Variants in PNPLA7 observed in about 807,000 individuals in gnomAD.
PNPLA7 encodes patatin like domain 7, lysophospholipase.
PNPLA7 carries 153 observed loss-of-function variants against 161.7 expected under a neutral mutation model. The ratio of observed to expected loss-of-function variants is 0.95; its 90% CI spans 0.83 to 1.08. The LOEUF is 1.08. PNPLA7 is among the 50% of genes least tolerant of loss of function. PNPLA7 has a pLI of 0.00. For synonymous variants in PNPLA7, 809 were observed against 782.1 expected, an observed-to-expected ratio of 1.03 and a Z score of -0.57; for missense variants, 1,739 against 1,856.6, an observed-to-expected ratio of 0.94 and a Z score of 1.16.
chr9:137,509,789 C>G (rs1458358080), intron 12 of PNPLA7: 7 of 454,292 alleles, frequency 1.5e-5, no homozygotes, highest in Non-Finnish European at 2.7e-5. Context: ...CACCCAGGCA[C>G]TGAGGCAAGA....
chr9:137,506,665 CT>C lies in PNPLA7; in HGVS notation c.1226-583del, dbSNP rs532723834. Among the ~76,000 whole-genome samples, 157 of 152,310 alleles carry C rather than the reference CT, an allele frequency of 1.0e-3. 1 individual carries two copies. The highest frequency in any genetic ancestry group is 3.7e-3 in the African/African-American group (154 of 41,564). On this transcript the variant is annotated intron_variant, in intron 12 of 34. Transcript: ENST00000406427. ...CCTCCAAAGAGCTCCCCTGTTGCTG[CT>C]TTTGGGCGGCCTCGGGCTGAGCGGG...
Position 137,463,429 on chromosome 9 carries a change from A to T in PNPLA7, c.3329T>A (p.Ile1110Asn). The change falls in exon 29 of 35, where the codon ATC (isoleucine) becomes AAC (asparagine). Residue 1110 changes from isoleucine to asparagine, a missense_variant. By Grantham distance (149) the Ile-to-Asn change is moderately radical (BLOSUM62 -3). Around this residue, in one of 6 missense-constraint regions of PNPLA7, gnomAD observed 703 missense variants for 694.6 expected, o/e 1.01. Coordinates refer to ENST00000406427, the MANE Select transcript of PNPLA7 (RefSeq NM_001098537.3). ...CACCGCAGTACCTGGGAGGTTGTTG[A>T]TGTAGCCCCCGTCCATCAGCAGGTG... The part of the protein sequence containing the change: ...DGHLLMDGGY[I>N]NNLPADVARS... 1 of 1,603,386 alleles carries T rather than the reference A, an allele frequency of 6.2e-7. No homozygotes were observed. The highest frequency in any genetic ancestry group is 8.5e-7 in the Non-Finnish European group (1 of 1,175,116).
chr9:137,503,597 GAGAAGGAGGAAGA>G (rs1833641956), intron 14 of PNPLA7, among the ~76,000 whole-genome samples: 3 of 141,522 alleles, frequency 2.1e-5, no homozygotes, highest in Admixed American at 2.1e-4. Flanking sequence ...GAGGGAGAAG[GAGAAGGAGGAAGA>G]AGGAGGAGGG....
rs182075498 is a variant in PNPLA7, at chr9:137,522,676, C to T, written c.876+53G>A. ...TCAAATCCCAAACCAGTGCCCAGGCCCCCCCAGGGTGACCCACAGCAGCTA... is the reference window on the plus strand; with the variant it reads ...TCAAATCCCAAACCAGTGCCCAGGCTCCCCCAGGGTGACCCACAGCAGCTA... On this transcript the variant is annotated intron_variant, in intron 9 of 34. Transcript: ENST00000406427. The T allele has an allele frequency of 1.7e-4, 277 of 1,600,036 alleles. No homozygotes were observed. In the East Asian group the frequency reaches 5.1e-3, roughly 29 times the overall value.
chr9:137,462,156 C>T, intron 31 of PNPLA7, 23 bp downstream of exon 31: 8 of 1,550,784 alleles, frequency 5.2e-6, no homozygotes, highest in Non-Finnish European at 7.0e-6. Flanking sequence ...CCGCCTCCGC[C>T]GCCGCGGGTG....
chr9:137,464,449 G>A lies in PNPLA7; in HGVS notation c.3047C>T (p.Thr1016Met), dbSNP rs151043513. 189 of 1,613,668 alleles carry A rather than the reference G, an allele frequency of 1.2e-4. No individual in the cohort carries two copies. The highest frequency in any genetic ancestry group is 1.5e-4 in the Non-Finnish European group (176 of 1,179,832). The stretch of plus-strand genomic sequence containing the variant: ...GTCCAGCGCGGCCTTCATCAAGGAC[G>A]TCATGCCCTGGGGCCACATGTGGAA... Reference protein sequence around the residue: ...IRAKQWAEGMTSLMKAALDLT... With the variant: ...IRAKQWAEGMMSLMKAALDLT... Residue 1016 changes from threonine to methionine, a missense_variant, in exon 27 of 35, where the codon ACG becomes ATG. By Grantham distance (81) the Thr-to-Met change is moderately conservative. Around this residue, in one of 6 missense-constraint regions of PNPLA7, gnomAD observed 703 missense variants for 694.6 expected, o/e 1.01. Coordinates refer to ENST00000406427, the MANE Select transcript of PNPLA7 (RefSeq NM_001098537.3).
chr9:137,502,779 C>T lies in PNPLA7; in HGVS notation c.1474-1052G>A, dbSNP rs372017882. The stretch of plus-strand genomic sequence containing the variant: ...CCGGCCACGGTGACATGGACGAGGC[C>T]GCTGGACAGGGGGGCACTGAACGCA... On this transcript the variant is annotated intron_variant, in intron 14 of 34. Transcript: ENST00000406427. Among the ~76,000 whole-genome samples, 22 of 33,286 alleles carry T rather than the reference C, an allele frequency of 6.6e-4. 1 individual carries two copies. In the South Asian group the frequency reaches 0.015, roughly 23 times the overall value. The allele number at this position is 33,286 out of a possible 152,430, so 21.8% of individuals were successfully genotyped here. A position where few individuals can be genotyped will look rare whatever the true frequency, so the allele number is the denominator to read the frequency against.
chr9:137,481,128 C>T (rs993802472), intron 21 of PNPLA7, 105 bp from the exon 22 acceptor site: 26 of 1,234,382 alleles, frequency 2.1e-5, no homozygotes, highest in Middle Eastern at 1.9e-4. Context: ...CAGGCACCGA[C>T]GCCCAGCCAG....
rs558322536 is a variant in PNPLA7, at chr9:137,491,763, G to A, written c.2197+1250C>T. 16 of 985,442 alleles carry A rather than the reference G, an allele frequency of 1.6e-5. No individual in the cohort carries two copies. In the South Asian group the frequency reaches 4.7e-4, roughly 29 times the overall value. 61.0% of individuals were successfully genotyped at this position (985,442 alleles called of 1,614,324 possible). A position where few individuals can be genotyped will look rare whatever the true frequency, so the allele number is the denominator to read the frequency against. The stretch of plus-strand genomic sequence containing the variant: ...GACAGACGTTCAATGCTGTGCACAC[G>A]TCACTGTGTGAACACAGACGCAGGC... On this transcript the variant is annotated intron_variant, in intron 20 of 34. Coordinates refer to ENST00000406427, the MANE Select transcript of PNPLA7 (RefSeq NM_001098537.3).
chr9:137,543,777 G>C lies in PNPLA7; in HGVS notation c.312C>G (p.Ala104=), dbSNP rs576711313. The part of the protein sequence containing the change: ...TLPNTLVENT[A]LPRQRARKRT... ...TCTTCCTGGCCCGCTGCCGGGGCAGGGCAGTGTTCTCCACAAGGGTGTTGG... is the reference window on the plus strand; with the variant it reads ...TCTTCCTGGCCCGCTGCCGGGGCAGCGCAGTGTTCTCCACAAGGGTGTTGG... The change falls in exon 5 of 35, where the codon GCC becomes GCG. Residue 104 remains alanine (A), a synonymous_variant. Coordinates refer to ENST00000406427, the MANE Select transcript of PNPLA7 (RefSeq NM_001098537.3). The surrounding 1 kb of genome is among the most constrained non-coding windows in gnomAD (Gnocchi z 6.9). 27 of 1,613,902 alleles carry C rather than the reference G, an allele frequency of 1.7e-5. No homozygotes were observed. The highest frequency in any genetic ancestry group is 1.5e-4 in the South Asian group (14 of 91,066).
In PNPLA7 at chr9:137,528,349, T is replaced by C. The variant is rs559145183; in HGVS notation, c.748-5492A>G. 3.9e-5 allele frequency among the ~76,000 whole-genome samples: 6 copies of C among 152,314 alleles called. No homozygotes were observed. In the East Asian group the frequency reaches 1.2e-3, roughly 29 times the overall value. On this transcript the variant is annotated intron_variant, in intron 8 of 34. Transcript: ENST00000406427. ...GCTTGGGTCACTGATCTGAGACTTGTTTTATTTTCTAATATGAGCATTGCC... is the reference window on the plus strand; with the variant it reads ...GCTTGGGTCACTGATCTGAGACTTGCTTTATTTTCTAATATGAGCATTGCC...
Position 137,522,826 on chromosome 9 carries a change from A to G in PNPLA7, c.779T>C (p.Val260Ala), listed in dbSNP as rs921485329. ...GHAAPYKTVS[V>A]RAAIPSTILR... is the part of the protein sequence containing the mutation. ...GATGGTGGACGGGATGGCCGCGCGG[A>G]CGGAGACCGTTTTGTAAGGTGCAGC... is the stretch of plus-strand genomic sequence containing the variant. The change falls in exon 9 of 35, where the codon GTC becomes GCC. Residue 260 changes from valine (V) to alanine (A), a missense_variant. Transcript: ENST00000406427. 6.2e-7 allele frequency: 1 copy of G among 1,613,490 alleles called. No individual in the cohort carries two copies. Among genetic ancestry groups the G allele is most frequent in the Non-Finnish European group, 8.5e-7 (1 of 1,179,940 alleles).
chr9:137,497,305 C>T lies in PNPLA7; in HGVS notation c.1895G>A (p.Gly632Glu), dbSNP rs150070984. The T allele has an allele frequency of 1.7e-5, 27 of 1,567,394 alleles. No homozygotes were observed. Among genetic ancestry groups the T allele is most frequent in the Non-Finnish European group, 2.3e-5 (27 of 1,157,020 alleles). ...VEAGRAIYRQ[G>E]DKSDCTYIML... ...GATGTACGTGCAGTCGGACTTGTCC[C>T]CCTGCCTGCGGAAGACACAGAGGCC... The change falls in exon 18 of 35, where the codon GGG becomes GAG. Residue 632 changes from glycine (G) to glutamate (E), a missense_variant. Around this residue, in one of 6 missense-constraint regions of PNPLA7, gnomAD observed 481 missense variants for 450.0 expected, o/e 1.07. Transcript: ENST00000406427.
chr9:137,519,635 G>A (rs1834881913), intron 11 of PNPLA7, among the ~76,000 whole-genome samples: 1 of 151,984 alleles, frequency 6.6e-6, no homozygotes, highest in Non-Finnish European at 1.5e-5. Context: ...GGAGACCTGG[G>A]GGGCCATCTG....
intron 8 of PNPLA7, among the ~76,000 whole-genome samples, chr9:137,528,414 C>T (rs150169060): frequency 0.012 from 1,866 of 151,060 alleles, 39 homozygotes; most frequent in African/African-American, 0.043. Flanking sequence ...CTCACTGCAA[C>T]CTCTGCCTCC....
intron 12 of PNPLA7, among the ~76,000 whole-genome samples, chr9:137,513,739 A>C (rs1488459129): frequency 6.6e-6 from 1 of 152,236 alleles, no homozygotes; most frequent in Non-Finnish European, 1.5e-5. Context: ...ATCTCCAAAA[A>C]AAACTAAGGA....
At chr9:137,479,284 C>A in intron 23 of PNPLA7, 46 bp from the exon 24 acceptor site, 1 of 1,482,394 alleles carries the variant, frequency 6.7e-7, no homozygotes, top group Non-Finnish European at 9.0e-7. Context: ...GAGCCTGGGA[C>A]TCGGGACAGG....
At chr9:137,464,054 T>C in intron 28 of PNPLA7, 72 bp downstream of exon 28, 2 of 1,526,542 alleles carry the variant, frequency 1.3e-6, no homozygotes, top group Non-Finnish European at 1.8e-6. Context: ...TCCCAACCCC[T>C]GGGGCTGCTG....
intron 8 of PNPLA7, among the ~76,000 whole-genome samples, chr9:137,527,941 T>A (rs1206206860): frequency 6.6e-6 from 1 of 152,250 alleles, no homozygotes; most frequent in African/African-American, 2.4e-5. Flanking sequence ...GTAGTAGCCA[T>A]TCAGATAATC....
Sources: allele counts gnomAD v4.1 joint callset (sites outside exome capture counted in the v4.1 genomes callset), GRCh38; gene constraint gnomAD v4.1.1; regional missense constraint gnomAD v4.1.1; non-coding constraint Gnocchi (gnomAD v3.1); transcripts MANE v1.5; gene names NCBI Gene and HGNC (gene_info 2026-07-23, HGNC 2026-07-21).